The following TNC variants were observed in gnomAD, a reference collection of about 807,000 sequenced individuals.
TNC encodes tenascin.
A neutral mutation model predicts 202.4 loss-of-function variants in TNC; 109 were observed. The observed-to-expected ratio is 0.54, with a 90% CI of 0.46 to 0.63. The LOEUF (loss-of-function observed/expected upper bound fraction) is 0.63. Among genes scored for constraint, TNC ranks in the 30% least tolerant of loss-of-function variants. The pLI, the probability that TNC is intolerant of heterozygous loss-of-function variation, is 0.00. For synonymous variants in TNC, 1,007 were observed against 1,089.7 expected (o/e 0.92, Z 1.50); for missense variants, 2,756 against 2,833.3 (o/e 0.97, Z 0.62).
At chr9:115,091,245 C>A in intron 1 of TNC, 91 bp from the exon 2 acceptor site, 1 of 537,862 alleles carries the variant, frequency 1.9e-6, no homozygotes, top group Non-Finnish European at 3.3e-6. Flanking sequence ...ATTTTATATC[C>A]CTGTATTTGA....
chr9:115,043,485 C>T (rs1411453), intron 17 of TNC, among the ~76,000 whole-genome samples: 15,900 of 152,142 alleles, frequency 0.1, 894 homozygotes, highest in Middle Eastern at 0.17. Flanking sequence ...TGGGCAGGTC[C>T]CTTCACTTCT....
rs564526442 is a variant in TNC at position 115,062,650 on chromosome 9, C to T, written c.4033+267G>A. Among the ~76,000 whole-genome samples the T allele has an allele frequency of 2.7e-5, 4 of 148,694 alleles. No homozygotes were observed. The East Asian group carries it at 7.9e-4, about 29-fold the overall frequency. On this transcript the variant is annotated intron_variant, in intron 13 of 27. Transcript: ENST00000350763. ...GTATATATCTATATATACACACACA[C>T]ATATATATATATACACACACACACT...
rs753403591 is a variant in TNC at position 115,041,059 on chromosome 9, G to A, written c.5274C>T (p.Asp1758=). 41 of 1,613,838 alleles carry A rather than the reference G, an allele frequency of 2.5e-5. No individual in the cohort carries two copies. The highest frequency in any genetic ancestry group is 1.7e-4 in the Middle Eastern group (1 of 6,060). The stretch of plus-strand genomic sequence containing the variant: ...CCAGCCTGGTCTGAGTCTTGGTTCC[G>A]TCCACAGTTACCATGGAGGGTGTAC... ...TGGTPSMVTV[D]GTKTQTRLVK... Residue 1758 remains aspartate, a synonymous_variant, in exon 19 of 28, where the codon GAC becomes GAT. Transcript: ENST00000350763.
At chr9:115,054,273 C>T (rs2132350961) in intron 15 of TNC, among the ~76,000 whole-genome samples, 1 of 152,262 alleles carries the variant, frequency 6.6e-6, no homozygotes, top group South Asian at 2.1e-4. Flanking sequence ...CATAAAATCT[C>T]TAAGAACAAA....
At chr9:115,090,257 G>A (rs918915225) in intron 2 of TNC, among the ~76,000 whole-genome samples, 1 of 152,022 alleles carries the variant, frequency 6.6e-6, no homozygotes, top group African/African-American at 2.4e-5. Flanking sequence ...GTAGAAAGTG[G>A]GTAGATTTCA....
At position 115,063,998 on chromosome 9, in the gene TNC, A is replaced by C; in HGVS notation, c.3558T>G (p.Thr1186=). The C allele has an allele frequency of 1.2e-6, 2 of 1,613,474 alleles. No homozygotes were observed. Among genetic ancestry groups the C allele is most frequent in the Non-Finnish European group, 1.7e-6 (2 of 1,179,686 alleles). The change falls in exon 12 of 28, where the codon ACT becomes ACG. Residue 1186 remains threonine (T), a synonymous_variant. Transcript: ENST00000350763. ...VGWDALKLNW[T]APEGAYEYFF... is the part of the protein sequence containing the mutation. ...AGTACTCATAGGCCCCTTCTGGAGC[A>C]GTCCAGTTGAGTTTGAGGGCATCCC...
At chr9:115,051,816 A>G (rs772072550) in intron 15 of TNC, among the ~76,000 whole-genome samples, 47 of 152,020 alleles carry the variant, frequency 3.1e-4, no homozygotes, top group Admixed American at 9.2e-4. Context: ...ACAGCCAATA[A>G]AACTGGGCAC....
chr9:115,093,407 A>C (rs949511836), intron 1 of TNC, among the ~76,000 whole-genome samples: 2 of 152,222 alleles, frequency 1.3e-5, no homozygotes, highest in African/African-American at 4.8e-5. Context: ...CTTAACTAAC[A>C]ATGTGTGGGT....
At position 115,028,924 on chromosome 9, in the gene TNC, G is replaced by GAAAAAAAAAAAA. The variant is rs57737243; in HGVS notation, c.6169+424_6169+435dup. 1.1e-4 allele frequency among the ~76,000 whole-genome samples: 7 copies of GAAAAAAAAAAAA among 63,966 alleles called. 1 individual carries two copies. Among genetic ancestry groups the GAAAAAAAAAAAA allele is most frequent in the African/African-American group, 2.6e-4 (4 of 15,678 alleles). The allele number at this position is 63,966 out of a possible 152,430, so 42.0% of individuals were successfully genotyped here. On this transcript the variant is annotated intron_variant, in intron 25 of 27. Transcript: ENST00000350763. Reference sequence around the variant, plus strand: ...TACTAAAGCTCTCAACATTATCTCTGAAAAAAAAAAAAAAAAAAAAAAAAA... The same window carrying GAAAAAAAAAAAA: ...TACTAAAGCTCTCAACATTATCTCTGAAAAAAAAAAAAAAAAAAAAAAAAAAAAAAAAAAAAA...
intron 15 of TNC, chr9:115,055,802 T>C (rs1257017458): frequency 2.0e-5 from 3 of 152,496 alleles, no homozygotes; most frequent in Non-Finnish European, 4.4e-5. Context: ...AACACCATTG[T>C]AGAGTCAAAA....
chr9:115,064,174 ACTTT>A (rs759725662), intron 11 of TNC, 106 bp from the exon 12 acceptor site: 77 of 1,235,804 alleles, frequency 6.2e-5, no homozygotes, highest in Middle Eastern at 4.9e-4. Context: ...AAAAAATGTG[ACTTT>A]CTTTAGATAA....
rs201286268 is a variant in TNC, at chr9:115,057,191, C to A, written c.4541G>T (p.Ser1514Ile). The change falls in exon 15 of 28, where the codon AGC (serine) becomes ATC (isoleucine). Residue 1514 changes from serine (S) to isoleucine (I), a missense_variant. Physicochemically the swap from Ser to Ile is moderately radical, Grantham distance 142. Around this residue, in one of 2 missense-constraint regions of TNC, gnomAD observed 2,559 missense variants for 2,546.0 expected, o/e 1.01. Transcript: ENST00000350763. ...GGCACTGATGGTTTTGGTCCGGATGCTGGGAGCAAGTCCAGAGAGGTAGAC... is the reference window on the plus strand; with the variant it reads ...GGCACTGATGGTTTTGGTCCGGATGATGGGAGCAAGTCCAGAGAGGTAGAC... Reference protein sequence around the residue: ...FIVYLSGLAPSIRTKTISATA... With the variant: ...FIVYLSGLAPIIRTKTISATA... 5 of 1,613,818 alleles carry A rather than the reference C, an allele frequency of 3.1e-6. No individual in the cohort carries two copies. The highest frequency in any genetic ancestry group is 1.7e-5 in the Admixed American group (1 of 59,992).
Position 115,086,608 on chromosome 9 carries a change from TC to T in TNC, c.1122del (p.Lys375ArgfsTer14). On this transcript the variant is annotated frameshift_variant, in exon 3 of 28. Coordinates refer to ENST00000350763, the MANE Select transcript of TNC (RefSeq NM_002160.4). LOFTEE classifies it high-confidence loss of function. ...TTGTGACAGTCAGCAGGACACCTCTTCTCGCTGCAGTCCACACCGGCAAAGC... is the reference window on the plus strand; with the variant it reads ...TTGTGACAGTCAGCAGGACACCTCTTTCGCTGCAGTCCACACCGGCAAAGC... ...DEGFAGVDCSEKRCPADCHNR... is the reference protein window; with the variant it reads ...DEGFAGVDCSXKRCPADCHNR... 1 of 1,613,902 alleles carries T rather than the reference TC, an allele frequency of 6.2e-7. No individual in the cohort carries two copies. Among genetic ancestry groups the T allele is most frequent in the Non-Finnish European group, 8.5e-7 (1 of 1,179,976 alleles).
chr9:115,025,607 G>A (rs1349724828), intron 26 of TNC, among the ~76,000 whole-genome samples: 3 of 151,850 alleles, frequency 2.0e-5, no homozygotes, highest in Non-Finnish European at 1.5e-5. Context: ...CTGCAGCCAG[G>A]ATTGCATCCA....
At position 115,090,738 on chromosome 9, in the gene TNC, C is replaced by G; in HGVS notation, c.281G>C (p.Gly94Ala). 6.2e-7 allele frequency: 1 copy of G among 1,614,204 alleles called. No homozygotes were observed. The highest frequency in any genetic ancestry group is 8.5e-7 in the Non-Finnish European group (1 of 1,180,046). ...SESFQEHTVDGENQIVFTHRI... is the reference protein window; with the variant it reads ...SESFQEHTVDAENQIVFTHRI... ...ATGTGTGAAGACAATCTGGTTTTCC[C>G]CATCCACTGTGTGCTCCTGAAAGCT... is the stretch of plus-strand genomic sequence containing the variant. The change falls in exon 2 of 28, where the codon GGG (glycine) becomes GCG (alanine). Residue 94 changes from glycine to alanine, a missense_variant. Transcript: ENST00000350763.
chr9:115,041,313 G>GGGGGT (rs1830735149), intron 18 of TNC, among the ~76,000 whole-genome samples: 1 of 134,664 alleles, frequency 7.4e-6, no homozygotes, highest in Non-Finnish European at 1.5e-5. Flanking sequence ...GAGGGGCGGG[G>GGGGGT]GAAAACATGA....
intron 10 of TNC, among the ~76,000 whole-genome samples, chr9:115,066,405 C>A (rs1308814744): frequency 1.3e-5 from 2 of 152,196 alleles, no homozygotes; most frequent in Non-Finnish European, 2.9e-5. Context: ...CACATTGCTG[C>A]TAATTTCAAA....
Position 115,036,336 on chromosome 9 carries a change from G to A in TNC, c.5513-95C>T, listed in dbSNP as rs537490706. On this transcript the variant is annotated intron_variant, in intron 20 of 27. Transcript: ENST00000350763. Reference sequence around the variant, plus strand: ...CACATACACACCTCCTTCGAACATCGAAACTTTCAGTGACCCTGCGGAAAA... The same window carrying A: ...CACATACACACCTCCTTCGAACATCAAAACTTTCAGTGACCCTGCGGAAAA... 1.2e-4 allele frequency: 164 copies of A among 1,377,988 alleles called. 2 individuals are homozygous for A. The South Asian group carries it at 1.3e-3, about 11-fold the overall frequency. The allele number at this position is 1,377,988 out of a possible 1,614,324, so 85.4% of individuals were successfully genotyped here.
intron 2 of TNC, 142 bp from the exon 3 acceptor site, chr9:115,087,415 G>C: frequency 1.3e-6 from 1 of 790,018 alleles, no homozygotes; most frequent in Non-Finnish European, 2.0e-6. Flanking sequence ...ATTTGTTGTA[G>C]TGTGTGAAAT....
Sources: gnomAD v4.1 joint callset for allele counts (sites outside exome capture counted in the v4.1 genomes callset) on GRCh38, gnomAD v4.1.1 for gene constraint, gnomAD v4.1.1 regional missense constraint, MANE v1.5 for transcripts, NCBI Gene and HGNC (gene_info 2026-07-23, HGNC 2026-07-21) for gene names.